Variants in PSPC1 observed in about 807,000 individuals in gnomAD.
The protein encoded by PSPC1 is paraspeckle protein 1.
Under a neutral mutation model 51.6 loss-of-function variants are expected in PSPC1, and 14 were observed. The observed-to-expected ratio is 0.27, with a 90% CI of 0.18 to 0.42. PSPC1 has a LOEUF of 0.42. Ranked by LOEUF, PSPC1 falls within the 10% of genes least tolerant of loss-of-function variation. The probability of loss-of-function intolerance (pLI) is 1.00; values close to 1 mark genes in which losing one functional copy is unlikely to be tolerated. For synonymous variants in PSPC1, 193 were observed against 231.9 expected, an observed-to-expected ratio of 0.83 and a Z score of 1.53; for missense variants, 406 against 701.1, an observed-to-expected ratio of 0.58 and a Z score of 4.75.
chr13:19,682,962 G>A (rs904912470), intron 6 of PSPC1, among the ~76,000 whole-genome samples: 5 of 152,174 alleles, frequency 3.3e-5, no homozygotes, highest in African/African-American at 1.2e-4. Context: ...CAGCTACTCG[G>A]GAGGCTGAGA....
At chr13:19,760,364 C>T (rs1236061658) in intron 2 of PSPC1, among the ~76,000 whole-genome samples, 2 of 151,908 alleles carry the variant, frequency 1.3e-5, no homozygotes, top group African/African-American at 2.4e-5. Flanking sequence ...CCCGTTTCTA[C>T]TAAAACTACA....
chr13:19,718,103 A>G (rs540010063), intron 6 of PSPC1, among the ~76,000 whole-genome samples: 18 of 152,320 alleles, frequency 1.2e-4, no homozygotes, highest in African/African-American at 3.1e-4. Context: ...TATTGATACA[A>G]CTCAATAGCA....
intron 5 of PSPC1, among the ~76,000 whole-genome samples, chr13:19,735,191 A>G (rs1884636963): frequency 6.6e-6 from 1 of 152,086 alleles, no homozygotes; most frequent in East Asian, 1.9e-4. Context: ...GGGCGCCTAT[A>G]ATCCCAGCTA....
chr13:19,703,579 C>T (rs1239787211), intron 8 of PSPC1, among the ~76,000 whole-genome samples: 1 of 152,048 alleles, frequency 6.6e-6, no homozygotes, highest in South Asian at 2.1e-4. Context: ...TTACATATTG[C>T]TAATGCTATG....
chr13:19,700,660 A>G (rs1020904434), downstream of PSPC1, among the ~76,000 whole-genome samples: 5 of 152,144 alleles, frequency 3.3e-5, no homozygotes, highest in African/African-American at 1.2e-4. Context: ...CACACTAATT[A>G]CAAGTAGCAC....
chr13:19,694,604 C>A lies in PSPC1; in HGVS notation c.1159-16781G>T, dbSNP rs115921391. Among the ~76,000 whole-genome samples the A allele has an allele frequency of 9.8e-3, 1,492 of 152,224 alleles. 20 individuals are homozygous for A. The highest frequency in any genetic ancestry group is 0.034 in the African/African-American group (1,412 of 41,530). Reference sequence around the variant, plus strand: ...TTTAGATTACATAAAATCAAAGATACAAAAGTAGATTAATATAATCAAGTC... The same window carrying A: ...TTTAGATTACATAAAATCAAAGATAAAAAAGTAGATTAATATAATCAAGTC... On this transcript the variant is annotated intron_variant and NMD_transcript_variant, in intron 6 of 7. Transcript: ENST00000471658.
intron 4 of PSPC1, among the ~76,000 whole-genome samples, chr13:19,743,819 CT>C (rs1885675587): frequency 6.6e-6 from 1 of 152,062 alleles, no homozygotes; most frequent in African/African-American, 2.4e-5. Context: ...ACTTAAATAC[CT>C]GACCAGTATT....
At chr13:19,711,419 G>A (rs1440014260) in intron 6 of PSPC1, among the ~76,000 whole-genome samples, 2 of 152,072 alleles carry the variant, frequency 1.3e-5, no homozygotes, top group Non-Finnish European at 2.9e-5. Context: ...GGCGGATCAT[G>A]AGGTCAGGAG....
intron 7 of PSPC1, among the ~76,000 whole-genome samples, chr13:19,709,329 C>A (rs535945466): frequency 6.6e-6 from 1 of 152,138 alleles, no homozygotes; most frequent in Non-Finnish European, 1.5e-5. Flanking sequence ...CATCTTTTAG[C>A]CTTCAAACAA....
Position 19,721,635 on chromosome 13 carries a change from C to T in PSPC1, c.1158+8604G>A, listed in dbSNP as rs150553553. On this transcript the variant is annotated intron_variant, in intron 6 of 8. Transcript: ENST00000338910. ...GTTTGAGCTGTTTCTTTTAACATTA[C>T]TCTGTATAAGTACTCAGCACCTAAA... Among the ~76,000 whole-genome samples the T allele has an allele frequency of 1.9e-3, 292 of 152,262 alleles. 1 individual carries two copies. The highest frequency in any genetic ancestry group is 6.6e-3 in the African/African-American group (273 of 41,562).
At chr13:19,745,619 AT>A (rs1162271178) in intron 4 of PSPC1, among the ~76,000 whole-genome samples, 1,730 of 140,642 alleles carry the variant, frequency 0.012, 12 homozygotes, top group African/African-American at 0.03. Flanking sequence ...CACTGAATTA[AT>A]TTTTTTTTTT....
intron 4 of PSPC1, among the ~76,000 whole-genome samples, chr13:19,749,714 C>A (rs1217301397): frequency 6.7e-6 from 1 of 149,990 alleles, no homozygotes; most frequent in East Asian, 2.0e-4. Context: ...TCTCGGCTTA[C>A]CGCAACCTCC....
chr13:19,765,195 G>A (rs867978814), intron 2 of PSPC1, among the ~76,000 whole-genome samples: 4 of 151,412 alleles, frequency 2.6e-5, no homozygotes, highest in Admixed American at 6.6e-5. Flanking sequence ...GTGGTGGTGC[G>A]CACCTGTAAT....
chr13:19,711,632 C>T (rs1223617398), intron 6 of PSPC1, among the ~76,000 whole-genome samples: 3 of 122,424 alleles, frequency 2.5e-5, no homozygotes, highest in Non-Finnish European at 3.4e-5. Context: ...AGAGAGACTC[C>T]GTCTCATAAA....
chr13:19,686,016 T>C (rs1303806351), intron 6 of PSPC1, among the ~76,000 whole-genome samples: 1 of 152,204 alleles, frequency 6.6e-6, no homozygotes, highest in African/African-American at 2.4e-5. Context: ...CCAACAGTGA[T>C]CTTTGCAGAC....
intron 2 of PSPC1, among the ~76,000 whole-genome samples, chr13:19,766,190 T>A (rs1363599582): frequency 1.3e-5 from 2 of 152,084 alleles, no homozygotes; most frequent in South Asian, 4.2e-4. Flanking sequence ...CTGGTCAACA[T>A]AGTGAAACCC....
Position 19,776,522 on chromosome 13 carries a change from T to A in PSPC1, c.373-3979A>T, listed in dbSNP as rs191542706. 6.6e-5 allele frequency among the ~76,000 whole-genome samples: 10 copies of A among 152,010 alleles called. No homozygotes were observed. In the East Asian group the frequency reaches 1.8e-3, roughly 27 times the overall value. On this transcript the variant is annotated intron_variant, in intron 1 of 8. Coordinates refer to ENST00000338910, the MANE Select transcript of PSPC1 (RefSeq NM_001354909.2). Reference sequence around the variant, plus strand: ...GTACCCTTTACTATATGCAAATTTTTTTTTTTTTGAGATGGAGTCTCACTC... The same window carrying A: ...GTACCCTTTACTATATGCAAATTTTATTTTTTTTGAGATGGAGTCTCACTC...
intron 6 of PSPC1, among the ~76,000 whole-genome samples, chr13:19,710,641 A>G (rs1446455881): frequency 6.6e-6 from 1 of 152,196 alleles, no homozygotes; most frequent in Non-Finnish European, 1.5e-5. Context: ...AAAGCCTATG[A>G]TGGAAACGTA....
chr13:19,749,898 C>CA (rs1485078091), intron 4 of PSPC1, among the ~76,000 whole-genome samples: 3 of 152,154 alleles, frequency 2.0e-5, no homozygotes, highest in African/African-American at 7.2e-5. Flanking sequence ...CAAATTAAAC[C>CA]AAAACACCTA....
Sources: allele counts gnomAD v4.1 joint callset (sites outside exome capture counted in the v4.1 genomes callset), GRCh38; gene constraint gnomAD v4.1.1; transcripts MANE v1.5; gene names NCBI Gene and HGNC (gene_info 2026-07-23, HGNC 2026-07-21).